Variants in PTK2 observed in about 807,000 individuals in gnomAD.
PTK2 encodes the protein protein tyrosine kinase 2, also known as focal adhesion kinase 1.
Under a neutral mutation model 150.1 loss-of-function variants are expected in PTK2, and 45 were observed. The ratio of observed to expected loss-of-function variants is 0.30; its 90% CI spans 0.24 to 0.38. The LOEUF is 0.38. Ranked by LOEUF, PTK2 falls within the 10% of genes least tolerant of loss-of-function variation. PTK2 has a pLI of 1.00. For synonymous variants in PTK2, 432 were observed against 449.2 expected, an observed-to-expected ratio of 0.96 and a Z score of 0.48; for missense variants, 919 against 1,307.3, an observed-to-expected ratio of 0.70 and a Z score of 4.58.
At chr8:140,878,428 C>A (rs1241371718) in intron 4 of PTK2, among the ~76,000 whole-genome samples, 1 of 152,000 alleles carries the variant, frequency 6.6e-6, no homozygotes, top group Non-Finnish European at 1.5e-5. Flanking sequence ...GCTGAAACCC[C>A]AGCTCTGTAA....
intron 2 of PTK2, among the ~76,000 whole-genome samples, chr8:140,923,971 C>G: frequency 6.6e-6 from 1 of 152,166 alleles, no homozygotes; most frequent in East Asian, 1.9e-4. Context: ...TCCAAAACAT[C>G]AATCACACAA....
rs1010160308 is a variant in PTK2, at chr8:140,733,192, G to A, written c.2030+2059C>T. ...TGAAGCATGACTCCAAGATGGTGCC[G>A]AAGATAAAGGCACTATTCCAACCTG... On this transcript the variant is annotated intron_variant, in intron 22 of 31. Transcript: ENST00000522684. Among the ~76,000 whole-genome samples, 158 of 152,262 alleles carry A rather than the reference G, an allele frequency of 1.0e-3. 1 individual carries two copies. The highest frequency in any genetic ancestry group is 3.5e-3 in the African/African-American group (147 of 41,562).
chr8:140,823,688 T>G (rs193148932), intron 8 of PTK2, among the ~76,000 whole-genome samples: 1 of 152,168 alleles, frequency 6.6e-6, no homozygotes, highest in Non-Finnish European at 1.5e-5. Context: ...TTGACCCCCA[T>G]AGTCTCCAGG....
In PTK2 at chr8:140,687,892, C is replaced by G. The variant is rs557983921; in HGVS notation, c.2500-1198G>C. Among the ~76,000 whole-genome samples, 3 of 152,288 alleles carry G rather than the reference C, an allele frequency of 2.0e-5. No homozygotes were observed. In the East Asian group the frequency reaches 5.8e-4, roughly 29 times the overall value. On this transcript the variant is annotated intron_variant, in intron 26 of 31. Coordinates refer to ENST00000522684, the Ensembl canonical transcript of PTK2. ...GCACTGTCCTTTGCCTTCTTCCTCCCTTCCCCCTTTCCTTCCCTCCCAGGC... is the reference window on the plus strand; with the variant it reads ...GCACTGTCCTTTGCCTTCTTCCTCCGTTCCCCCTTTCCTTCCCTCCCAGGC...
At position 140,802,448 on chromosome 8, in the gene PTK2, G is replaced by A. The variant is rs535995076; in HGVS notation, c.975+1095C>T. On this transcript the variant is annotated intron_variant, in intron 11 of 31. Transcript: ENST00000522684. The stretch of plus-strand genomic sequence containing the variant: ...TGTTATTACAAGAGTCAAAAAAGCC[G>A]AAAAAAATCAGTTTATAAAATATAA... 7.4e-4 allele frequency among the ~76,000 whole-genome samples: 112 copies of A among 152,038 alleles called. 3 individuals are homozygous for A. The highest frequency in any genetic ancestry group is 2.3e-3 in the African/African-American group (96 of 41,460).
At chr8:140,972,311 C>G (rs1252806409) in intron 1 of PTK2, among the ~76,000 whole-genome samples, 1 of 152,106 alleles carries the variant, frequency 6.6e-6, no homozygotes, top group Admixed American at 6.5e-5. Context: ...GTCACCCAGG[C>G]TGGAGTACAG....
chr8:140,713,180 C>T (rs942729823), intron 23 of PTK2, among the ~76,000 whole-genome samples: 1 of 152,228 alleles, frequency 6.6e-6, no homozygotes, highest in African/African-American at 2.4e-5. Flanking sequence ...GTGAAGAACA[C>T]AGTGATGACT....
chr8:140,702,806 T>TA (rs1352609598), intron 24 of PTK2, 99 bp from the exon 28 acceptor site: 3 of 1,333,772 alleles, frequency 2.2e-6, no homozygotes, highest in Non-Finnish European at 3.1e-6. Context: ...AATATTGTGG[T>TA]AGGCAGAATT....
chr8:140,935,504 T>C (rs1030366964), intron 1 of PTK2, among the ~76,000 whole-genome samples: 8 of 152,106 alleles, frequency 5.3e-5, no homozygotes, highest in Non-Finnish European at 1.0e-4. Flanking sequence ...AAGTTATTAG[T>C]ACCTCGCCTG....
At chr8:140,896,770 C>T (rs1171022105) in intron 2 of PTK2, among the ~76,000 whole-genome samples, 2 of 139,884 alleles carry the variant, frequency 1.4e-5, no homozygotes, top group African/African-American at 2.7e-5. Context: ...TAGACGCCCC[C>T]CCTTCCCCCC....
chr8:140,806,158 T>C (rs542666172), intron 10 of PTK2, among the ~76,000 whole-genome samples: 1 of 152,348 alleles, frequency 6.6e-6, no homozygotes, highest in South Asian at 2.1e-4. Context: ...CTGAAAAATC[T>C]GACTCTAGAA....
intron 1 of PTK2, among the ~76,000 whole-genome samples, chr8:140,927,180 G>A (rs1053365487): frequency 1.3e-5 from 2 of 152,100 alleles, no homozygotes; most frequent in Non-Finnish European, 2.9e-5. Flanking sequence ...CCATAATAAT[G>A]CAAACATCAA....
intron 22 of PTK2, chr8:140,718,003 G>C (rs771821928): frequency 9.7e-6 from 3 of 307,924 alleles, no homozygotes; most frequent in African/African-American, 6.3e-5. Flanking sequence ...TGAAATGTTT[G>C]CATGCCAAAG....
intron 10 of PTK2, among the ~76,000 whole-genome samples, chr8:140,807,837 G>A (rs1003160421): frequency 1.3e-5 from 2 of 152,114 alleles, no homozygotes; most frequent in Non-Finnish European, 2.9e-5. Flanking sequence ...GGCTTACATC[G>A]TATTGCTGTT....
chr8:140,980,169 C>A (rs560494066), intron 1 of PTK2, among the ~76,000 whole-genome samples: 4 of 152,102 alleles, frequency 2.6e-5, no homozygotes, highest in Non-Finnish European at 4.4e-5. Flanking sequence ...CAAGAGACTG[C>A]AAGCAAACCA....
intron 27 of PTK2, among the ~76,000 whole-genome samples, chr8:140,680,313 C>T (rs1717183255): frequency 6.6e-6 from 1 of 152,078 alleles, no homozygotes; most frequent in African/African-American, 2.4e-5. Flanking sequence ...CTGCAACCTC[C>T]GCCTCCCAGG....
intron 8 of PTK2, 73 bp downstream of exon 8, chr8:140,830,399 A>C: frequency 1.0e-6 from 1 of 970,378 alleles, no homozygotes; most frequent in Non-Finnish European, 1.5e-6. Flanking sequence ...CTTTCCCAAA[A>C]GCAATTTACC....
At chr8:140,802,267 T>G (rs771977641) in intron 11 of PTK2, among the ~76,000 whole-genome samples, 1 of 152,054 alleles carries the variant, frequency 6.6e-6, no homozygotes, top group Non-Finnish European at 1.5e-5. Flanking sequence ...TGTGTAGGCC[T>G]AGGCTAGCGT....
chr8:140,752,460 A>C (rs1159385865), intron 16 of PTK2, 144 bp from the exon 20 acceptor site: 4 of 643,132 alleles, frequency 6.2e-6, no homozygotes, highest in Non-Finnish European at 1.1e-5. Context: ...AATGAGAGGG[A>C]TACTTAAAAA....
Sources: allele counts gnomAD v4.1 joint callset (sites outside exome capture counted in the v4.1 genomes callset), GRCh38; gene constraint gnomAD v4.1.1; transcripts MANE v1.5; gene names NCBI Gene and HGNC (gene_info 2026-07-23, HGNC 2026-07-21).